Variants in PSMA8 observed in about 807,000 individuals in gnomAD.
The protein encoded by PSMA8 is proteasome 20S subunit alpha 8.
PSMA8 carries 18 observed loss-of-function variants against 32.4 expected under a neutral mutation model. That is an observed-to-expected ratio of 0.56 (90% confidence interval 0.38 to 0.82). The LOEUF (loss-of-function observed/expected upper bound fraction) is 0.82, where lower values mean the gene tolerates loss of function less well. Among genes scored for constraint, PSMA8 ranks in the 40% least tolerant of loss-of-function variants. The pLI is 0.00. For missense variants in PSMA8, 298 were observed against 300.7 expected (o/e 0.99, Z 0.07); for synonymous variants, 104 against 98.1 (o/e 1.06, Z -0.36).
chr18:26,158,047 C>G (rs2055104304), intron 3 of PSMA8, 75 bp from the exon 4 acceptor site: 1 of 960,574 alleles, frequency 1.0e-6, no homozygotes. Flanking sequence ...ATCATTTGGG[C>G]AGCAATGCTT....
rs193265074 is a variant in PSMA8 at position 26,183,525 on chromosome 18, A to C, written c.660+4395A>C. Reference sequence around the variant, plus strand: ...AGGAAGTCACTGCAGATGTGGTACAAATAGCAAGAGAACTAAAATTAGAAG... The same window carrying C: ...AGGAAGTCACTGCAGATGTGGTACACATAGCAAGAGAACTAAAATTAGAAG... On this transcript the variant is annotated intron_variant, in intron 6 of 6. Coordinates refer to ENST00000415576, the MANE Select transcript of PSMA8 (RefSeq NM_001025096.2). Among the ~76,000 whole-genome samples the C allele has an allele frequency of 2.6e-5, 4 of 151,058 alleles. 1 individual carries two copies. In the East Asian group the frequency reaches 7.9e-4, roughly 30 times the overall value.
chr18:26,148,149 G>T (rs561901400), intron 2 of PSMA8, among the ~76,000 whole-genome samples: 4 of 152,062 alleles, frequency 2.6e-5, no homozygotes, highest in Non-Finnish European at 5.9e-5. Context: ...AAGTTAAGGA[G>T]TAAACACTTC....
chr18:26,172,930 C>T (rs560303658), intron 4 of PSMA8, among the ~76,000 whole-genome samples: 145 of 152,298 alleles, frequency 9.5e-4, no homozygotes, highest in Admixed American at 4.1e-3. Context: ...TGCAGAAAGA[C>T]GTGACCTTAT....
At chr18:26,171,081 T>C in intron 4 of PSMA8, 1 of 1,559,332 alleles carries the variant, frequency 6.4e-7, no homozygotes, top group Non-Finnish European at 8.5e-7. Context: ...AATTCTACCC[T>C]TTAAAGGTCG....
intron 4 of PSMA8, among the ~76,000 whole-genome samples, chr18:26,161,829 C>A (rs985215427): frequency 6.6e-6 from 1 of 152,252 alleles, no homozygotes; most frequent in South Asian, 2.1e-4. Context: ...AAACTTATAT[C>A]CTGGGTGAGT....
chr18:26,157,376 G>A (rs2055098305), intron 3 of PSMA8, among the ~76,000 whole-genome samples: 1 of 149,738 alleles, frequency 6.7e-6, no homozygotes. Flanking sequence ...AACCAACATG[G>A]TGAAACCCTG....
intron 1 of PSMA8, chr18:26,140,254 G>T: frequency 1.5e-6 from 1 of 651,768 alleles, no homozygotes. Context: ...TGGCACCACA[G>T]GTGCCAGCCT....
intron 6 of PSMA8, among the ~76,000 whole-genome samples, chr18:26,181,250 A>G (rs1033565264): frequency 1.3e-5 from 2 of 152,204 alleles, no homozygotes; most frequent in Non-Finnish European, 2.9e-5. Flanking sequence ...TCTGTGATCA[A>G]TGATCTTTGA....
chr18:26,135,212 G>A (rs2054902310), intron 1 of PSMA8, among the ~76,000 whole-genome samples: 1 of 152,142 alleles, frequency 6.6e-6, no homozygotes, highest in Non-Finnish European at 1.5e-5. Flanking sequence ...GAGGACAAAA[G>A]TGCCCTAGTG....
chr18:26,140,989 G>A (rs2054951276), intron 1 of PSMA8, among the ~76,000 whole-genome samples: 1 of 151,860 alleles, frequency 6.6e-6, no homozygotes, highest in South Asian at 2.1e-4. Flanking sequence ...ATTAACTTAA[G>A]GTTATACTTT....
intron 2 of PSMA8, among the ~76,000 whole-genome samples, chr18:26,146,509 A>G (rs2055004752): frequency 6.6e-6 from 1 of 152,218 alleles, no homozygotes; most frequent in Non-Finnish European, 1.5e-5. Context: ...TCATACCTGT[A>G]ATCCCAAGAT....
intron 6 of PSMA8, among the ~76,000 whole-genome samples, chr18:26,183,078 C>T (rs888461532): frequency 2.7e-5 from 4 of 147,960 alleles, no homozygotes; most frequent in East Asian, 2.0e-4. Flanking sequence ...GGCAGCAGAA[C>T]GAGACTCTGT....
At chr18:26,165,389 CAA>C (rs1298095160) in intron 4 of PSMA8, among the ~76,000 whole-genome samples, 2 of 152,118 alleles carry the variant, frequency 1.3e-5, no homozygotes, top group African/African-American at 4.8e-5. Context: ...TGAATCCAAG[CAA>C]AGAGTGCGGT....
At chr18:26,141,084 T>A (rs1160746072) in intron 1 of PSMA8, among the ~76,000 whole-genome samples, 3 of 152,220 alleles carry the variant, frequency 2.0e-5, no homozygotes, top group Non-Finnish European at 4.4e-5. Flanking sequence ...TACATTTTAA[T>A]TATTTGTTTA....
intron 1 of PSMA8, among the ~76,000 whole-genome samples, chr18:26,142,207 T>G (rs889340869): frequency 2.6e-5 from 4 of 151,880 alleles, no homozygotes; most frequent in Non-Finnish European, 5.9e-5. Context: ...GCCCGGCTGA[T>G]TTTTTGTATT....
At position 26,189,589 on chromosome 18, in the gene PSMA8, A is replaced by G. The variant is rs1022707027; in HGVS notation, c.661-2730A>G. On this transcript the variant is annotated intron_variant, in intron 6 of 6. Transcript: ENST00000415576. ...CAGAGAAATGCAAATCAAAACTACA[A>G]TAAAATATCATCTCACCCCAGTTAA... Among the ~76,000 whole-genome samples, 3 of 152,194 alleles carry G rather than the reference A, an allele frequency of 2.0e-5. No individual in the cohort carries two copies. In the South Asian group the frequency reaches 6.2e-4, roughly 31 times the overall value.
intron 2 of PSMA8, 112 bp downstream of exon 2, chr18:26,144,797 C>T: frequency 1.0e-6 from 1 of 982,320 alleles, no homozygotes; most frequent in Non-Finnish European, 1.5e-6. Flanking sequence ...AGTTGTTCTA[C>T]AAACAATATA....
rs534639436 is a variant in PSMA8 at position 26,186,248 on chromosome 18, C to CAA, written c.661-6043_661-6042dup. Among the ~76,000 whole-genome samples the CAA allele has an allele frequency of 3.6e-3, 101 of 27,838 alleles. 11 individuals are homozygous for CAA. Among genetic ancestry groups the CAA allele is most frequent in the African/African-American group, 4.1e-3 (60 of 14,788 alleles). 18.3% of individuals were successfully genotyped at this position (27,838 alleles called of 152,430 possible). ...TGGGCAACACAGGGAGACTCTGTCT[C>CAA]AAAAAAAAAAAAAAAAAAAAAAAAA... On this transcript the variant is annotated intron_variant, in intron 6 of 6. Coordinates refer to ENST00000415576, the MANE Select transcript of PSMA8 (RefSeq NM_001025096.2).
At chr18:26,180,693 T>TGGAC (rs1374647612) in intron 6 of PSMA8, among the ~76,000 whole-genome samples, 23 of 129,712 alleles carry the variant, frequency 1.8e-4, no homozygotes, top group African/African-American at 7.7e-4. Context: ...CATATAAAAA[T>TGGAC]AGACACACAC....
Sources: allele counts gnomAD v4.1 joint callset (sites outside exome capture counted in the v4.1 genomes callset), GRCh38; gene constraint gnomAD v4.1.1; transcripts MANE v1.5; gene names NCBI Gene and HGNC (gene_info 2026-07-23, HGNC 2026-07-21).